Variants in LRMDA observed in about 807,000 individuals in gnomAD.
The protein encoded by LRMDA is leucine-rich melanocyte differentiation-associated protein.
LRMDA carries 18 observed loss-of-function variants against 29.8 expected under a neutral mutation model. That is an observed-to-expected ratio of 0.60 (90% confidence interval 0.42 to 0.90). The LOEUF (loss-of-function observed/expected upper bound fraction) is 0.90, where lower values mean the gene tolerates loss of function less well. Among genes scored for constraint, LRMDA ranks in the 40% least tolerant of loss-of-function variants. LRMDA has a pLI of 0.00. For missense variants in LRMDA, 273 were observed against 273.9 expected (o/e 1.00, Z 0.02); for synonymous variants, 125 against 109.4 (o/e 1.14, Z -0.89).
Position 76,188,935 on chromosome 10 carries a change from T to TACACACACACAC in LRMDA, c.516+130176_516+130187dup, listed in dbSNP as rs3998129. Reference sequence around the variant, plus strand: ...ATGCCTCTAGGCGAATGATTGCATGTACACACACACACACACACACACACA... The same window carrying TACACACACACAC: ...ATGCCTCTAGGCGAATGATTGCATGTACACACACACACACACACACACACACACACACACACA... On this transcript the variant is annotated intron_variant, in intron 5 of 6. Transcript: ENST00000611255. Among the ~76,000 whole-genome samples the TACACACACACAC allele has an allele frequency of 7.2e-3, 1,014 of 141,700 alleles. 17 individuals are homozygous for TACACACACACAC. Among genetic ancestry groups the TACACACACACAC allele is most frequent in the African/African-American group, 0.024 (959 of 39,810 alleles). 93.0% of individuals were successfully genotyped at this position (141,700 alleles called of 152,430 possible).
At chr10:76,297,595 C>T (rs914887891) in intron 5 of LRMDA, among the ~76,000 whole-genome samples, 11 of 152,246 alleles carry the variant, frequency 7.2e-5, no homozygotes, top group African/African-American at 1.2e-4. Context: ...TCGTTCTGTT[C>T]GACTCTGGTT....
At chr10:76,300,246 T>A (rs1213990368) in intron 5 of LRMDA, among the ~76,000 whole-genome samples, 1 of 152,216 alleles carries the variant, frequency 6.6e-6, no homozygotes, top group Admixed American at 6.5e-5. Flanking sequence ...AAAGGTGGGA[T>A]TGCCACTTGT....
intron 2 of LRMDA, among the ~76,000 whole-genome samples, chr10:75,773,498 C>T (rs556053879): frequency 2.5e-4 from 38 of 152,210 alleles, no homozygotes; most frequent in African/African-American, 8.2e-4. Flanking sequence ...CCCAGAACTC[C>T]GAGCCCCTGG....
intron 5 of LRMDA, among the ~76,000 whole-genome samples, chr10:76,299,577 T>A (rs1423691357): frequency 1.3e-5 from 2 of 149,298 alleles, no homozygotes; most frequent in Non-Finnish European, 3.0e-5. Context: ...TCAGTTAGAA[T>A]GCCTTTGAAC....
intron 6 of LRMDA, among the ~76,000 whole-genome samples, chr10:76,467,342 C>A (rs778381241): frequency 4.6e-5 from 7 of 152,290 alleles, no homozygotes; most frequent in South Asian, 4.1e-4. Context: ...TTTATGAAAG[C>A]ATTTAAAGGT....
intron 2 of LRMDA, among the ~76,000 whole-genome samples, chr10:75,606,505 A>G (rs1203502313): frequency 6.6e-6 from 1 of 152,220 alleles, no homozygotes; most frequent in African/African-American, 2.4e-5. Flanking sequence ...TCCGGGCTAC[A>G]TGGGCTCTAT....
chr10:75,757,948 T>C (rs576678978), intron 2 of LRMDA, among the ~76,000 whole-genome samples: 51 of 152,228 alleles, frequency 3.4e-4, no homozygotes, highest in Non-Finnish European at 6.0e-4. Flanking sequence ...TACAGACATA[T>C]GTCACGATGC....
At chr10:75,580,058 G>A (rs1840566614) in intron 2 of LRMDA, among the ~76,000 whole-genome samples, 1 of 152,194 alleles carries the variant, frequency 6.6e-6, no homozygotes, top group Non-Finnish European at 1.5e-5. Context: ...CATAGTATTG[G>A]AAGTTCTGGC....
chr10:75,986,201 C>G (rs749849414), intron 2 of LRMDA, among the ~76,000 whole-genome samples: 3 of 152,114 alleles, frequency 2.0e-5, no homozygotes, highest in Non-Finnish European at 2.9e-5. Context: ...GTTTAAAGAT[C>G]AATAAGATAT....
chr10:76,183,291 TC>T (rs952919119), intron 5 of LRMDA, among the ~76,000 whole-genome samples: 50 of 152,340 alleles, frequency 3.3e-4, no homozygotes, highest in African/African-American at 1.2e-3. Context: ...TTTTAATTTT[TC>T]CATGACCCAT....
At chr10:75,765,051 G>A (rs1473267024) in intron 2 of LRMDA, among the ~76,000 whole-genome samples, 1 of 151,916 alleles carries the variant, frequency 6.6e-6, no homozygotes. Context: ...AAATATATGA[G>A]TGGAAACAGA....
chr10:76,177,372 G>A (rs1850957943), intron 5 of LRMDA, among the ~76,000 whole-genome samples: 1 of 151,322 alleles, frequency 6.6e-6, no homozygotes. Flanking sequence ...TAATTTGTGA[G>A]TACACCAGTT....
intron 6 of LRMDA, among the ~76,000 whole-genome samples, chr10:76,541,681 C>T (rs1258964327): frequency 1.3e-5 from 2 of 152,052 alleles, no homozygotes; most frequent in East Asian, 3.9e-4. Flanking sequence ...TCTCCTTCTT[C>T]CTCTGCTCAC....
chr10:76,072,339 T>G (rs952655536), intron 5 of LRMDA, among the ~76,000 whole-genome samples: 1 of 152,200 alleles, frequency 6.6e-6, no homozygotes, highest in Non-Finnish European at 1.5e-5. Context: ...TTTTTCCAAC[T>G]TCTCCAATCT....
chr10:75,684,543 C>T (rs975783405), intron 2 of LRMDA, among the ~76,000 whole-genome samples: 2 of 152,162 alleles, frequency 1.3e-5, no homozygotes, highest in African/African-American at 2.4e-5. Flanking sequence ...TCCGCTGTGG[C>T]CATCTGACTC....
At chr10:75,548,842 A>G (rs1360428643) in intron 2 of LRMDA, among the ~76,000 whole-genome samples, 2 of 152,196 alleles carry the variant, frequency 1.3e-5, no homozygotes, top group African/African-American at 4.8e-5. Context: ...TTGAGGCAAC[A>G]GAAGGAGGTA....
At chr10:76,222,427 AAAAC>A (rs1320309943) in intron 5 of LRMDA, among the ~76,000 whole-genome samples, 8 of 152,216 alleles carry the variant, frequency 5.3e-5, no homozygotes, top group Admixed American at 2.0e-4. Context: ...TTACAAGAAA[AAAAC>A]AAACAACCCC....
chr10:75,612,342 A>G, intron 2 of LRMDA, among the ~76,000 whole-genome samples: 1 of 152,172 alleles, frequency 6.6e-6, no homozygotes, highest in Non-Finnish European at 1.5e-5. Context: ...AATCTAGGCA[A>G]TAATGAATAT....
chr10:76,239,607 C>A (rs1333435410), intron 5 of LRMDA, among the ~76,000 whole-genome samples: 1 of 151,770 alleles, frequency 6.6e-6, no homozygotes, highest in Admixed American at 6.6e-5. Flanking sequence ...CTCTCTCTCT[C>A]TATTATGCAT....
Sources: allele counts gnomAD v4.1 joint callset (sites outside exome capture counted in the v4.1 genomes callset), GRCh38; gene constraint gnomAD v4.1.1; transcripts MANE v1.5; gene names NCBI Gene and HGNC (gene_info 2026-07-23, HGNC 2026-07-21).